SYT9: variants seen among roughly 807,000 people sequenced by gnomAD.
SYT9 encodes synaptotagmin-9.
A neutral mutation model predicts 48.4 loss-of-function variants in SYT9; 22 were observed. The observed-to-expected ratio is 0.45, with a 90% confidence interval of 0.32 to 0.65. The LOEUF (loss-of-function observed/expected upper bound fraction) is 0.65, where lower values mean the gene tolerates loss of function less well. Ranked by LOEUF, SYT9 falls within the 30% of genes least tolerant of loss-of-function variation. The probability of loss-of-function intolerance (pLI) is 0.03; values close to 1 mark genes in which losing one functional copy is unlikely to be tolerated. For synonymous variants in SYT9, 265 were observed against 245.0 expected, an observed-to-expected ratio of 1.08 and a Z score of -0.76; for missense variants, 577 against 622.0, an observed-to-expected ratio of 0.93 and a Z score of 0.77.
At position 7,466,920 on chromosome 11, in the gene SYT9, G is replaced by A; in HGVS notation, c.*120G>A. The A allele has an allele frequency of 1.6e-6, 2 of 1,268,248 alleles. No homozygotes were observed. Among genetic ancestry groups the A allele is most frequent in the Non-Finnish European group, 2.3e-6 (2 of 883,500 alleles). 78.6% of individuals were successfully genotyped at this position (1,268,248 alleles called of 1,614,324 possible). A position where few individuals can be genotyped will look rare whatever the true frequency, so the allele number is the denominator to read the frequency against. On this transcript the variant is annotated 3_prime_UTR_variant, in exon 7 of 7. Coordinates refer to ENST00000318881, the MANE Select transcript of SYT9 (RefSeq NM_175733.4). ...GATTTCAGTGACCAAATGCTCAGCT[G>A]TAACCACAGCACTAACTGGCCTTCT... is the stretch of plus-strand genomic sequence containing the variant.
At chr11:7,374,981 A>G (rs1465575758) in intron 3 of SYT9, among the ~76,000 whole-genome samples, 1 of 152,182 alleles carries the variant, frequency 6.6e-6, no homozygotes, top group Non-Finnish European at 1.5e-5. Flanking sequence ...TGTTTTAGTC[A>G]TGAAGTCTTT....
intron 6 of SYT9, among the ~76,000 whole-genome samples, chr11:7,454,889 C>T (rs894169818): frequency 2.0e-5 from 3 of 152,202 alleles, no homozygotes; most frequent in Non-Finnish European, 4.4e-5. Context: ...GCTTCTGTTT[C>T]TAAGTCACAC....
chr11:7,432,911 A>G (rs12419752), intron 6 of SYT9, among the ~76,000 whole-genome samples: 56,097 of 151,698 alleles, frequency 0.37, 10,548 homozygotes, highest in Middle Eastern at 0.48. Context: ...TGTATTTTGC[A>G]ATATGGGAAG....
At chr11:7,294,105 G>A (rs890255060) in intron 1 of SYT9, among the ~76,000 whole-genome samples, 9 of 152,152 alleles carry the variant, frequency 5.9e-5, no homozygotes, top group Admixed American at 5.9e-4. Context: ...TGGAAGGAGT[G>A]AGGGAACTCT....
In SYT9 at chr11:7,432,582, AATATATATACATATATATATATATATAT is replaced by A. The variant is rs1771271518; in HGVS notation, c.1467+11957_1467+11984del. On this transcript the variant is annotated intron_variant, in intron 6 of 6. Transcript: ENST00000318881. ...AAAAAAAAAAAAAAAAAAAAAAAAA[AATATATATACATATATATATATATATAT>A]ATATATATATATATATATATATATA... Among the ~76,000 whole-genome samples, 4 of 3,508 alleles carry A rather than the reference AATATATATACATATATATATATATATAT, an allele frequency of 1.1e-3. No homozygotes were observed. The Admixed American group carries it at 0.015, about 13-fold the overall frequency. 2.3% of individuals were successfully genotyped at this position (3,508 alleles called of 152,430 possible).
At chr11:7,371,689 G>A (rs1279465021) in intron 3 of SYT9, among the ~76,000 whole-genome samples, 2 of 152,044 alleles carry the variant, frequency 1.3e-5, no homozygotes, top group African/African-American at 2.4e-5. Flanking sequence ...GTTCCAGTCA[G>A]TACCCCCAAA....
At chr11:7,293,366 G>T (rs1032179940) in intron 1 of SYT9, among the ~76,000 whole-genome samples, 3 of 152,126 alleles carry the variant, frequency 2.0e-5, no homozygotes, top group African/African-American at 7.2e-5. Flanking sequence ...GCAGCAGAGT[G>T]CTCTGTTTAC....
At chr11:7,254,332 G>A (rs751941148) in intron 1 of SYT9, among the ~76,000 whole-genome samples, 3 of 152,226 alleles carry the variant, frequency 2.0e-5, no homozygotes, top group African/African-American at 4.8e-5. Context: ...GGGGGTTTTC[G>A]AGTGCAAGGT....
chr11:7,454,099 C>T (rs1848106892), intron 6 of SYT9: 1 of 985,298 alleles, frequency 1.0e-6, no homozygotes, highest in Non-Finnish European at 1.2e-6. Context: ...GACATTGCTG[C>T]TCCCCAGTCA....
chr11:7,355,147 C>T (rs1849993868), intron 3 of SYT9, among the ~76,000 whole-genome samples: 1 of 152,222 alleles, frequency 6.6e-6, no homozygotes, highest in Middle Eastern at 3.2e-3. Flanking sequence ...CTGACTCCAC[C>T]AGAAATCTGA....
At chr11:7,245,369 T>G (rs956375881) in intron 1 of SYT9, among the ~76,000 whole-genome samples, 4 of 152,146 alleles carry the variant, frequency 2.6e-5, no homozygotes, top group Admixed American at 2.6e-4. Context: ...TCAGGGACAT[T>G]GTAGGTGACT....
At chr11:7,317,811 G>A (rs1849268278) in intron 3 of SYT9, among the ~76,000 whole-genome samples, 1 of 152,118 alleles carries the variant, frequency 6.6e-6, no homozygotes, top group South Asian at 2.1e-4. Flanking sequence ...TCTATCCACT[G>A]GGATGTTTAA....
intron 2 of SYT9, among the ~76,000 whole-genome samples, chr11:7,308,885 G>T (rs1396556303): frequency 1.3e-5 from 2 of 152,112 alleles, no homozygotes; most frequent in Non-Finnish European, 2.9e-5. Flanking sequence ...GATAGTTTAG[G>T]GACTAACCTA....
chr11:7,385,943 G>A (rs1233890885), intron 3 of SYT9, among the ~76,000 whole-genome samples: 3 of 152,174 alleles, frequency 2.0e-5, no homozygotes, highest in Non-Finnish European at 4.4e-5. Flanking sequence ...TATTTAGCCT[G>A]TAGATAAGTC....
At chr11:7,463,970 G>T (rs1005255136) in intron 6 of SYT9, among the ~76,000 whole-genome samples, 26 of 152,114 alleles carry the variant, frequency 1.7e-4, no homozygotes, top group African/African-American at 6.3e-4. Context: ...TGGGTATGGG[G>T]ACTGGTAAAA....
chr11:7,333,431 CTA>C (rs1398671050), intron 3 of SYT9, among the ~76,000 whole-genome samples: 2 of 152,156 alleles, frequency 1.3e-5, no homozygotes, highest in Non-Finnish European at 2.9e-5. Context: ...TGGTTTTCTC[CTA>C]TGTTACCTGT....
intron 3 of SYT9, among the ~76,000 whole-genome samples, chr11:7,349,657 G>T (rs1484984647): frequency 6.6e-6 from 1 of 152,156 alleles, no homozygotes; most frequent in African/African-American, 2.4e-5. Context: ...CATGCACATT[G>T]CCTATATGCC....
upstream of SYT9, among the ~76,000 whole-genome samples, chr11:7,248,018 T>C (rs998627963): frequency 2.0e-5 from 3 of 152,220 alleles, no homozygotes; most frequent in African/African-American, 7.2e-5. Context: ...ATTATGGTCA[T>C]TCTTGCAGGA....
chr11:7,421,552 G>A (rs562545830), intron 6 of SYT9, among the ~76,000 whole-genome samples: 1 of 152,268 alleles, frequency 6.6e-6, no homozygotes, highest in Admixed American at 6.5e-5. Flanking sequence ...GTGAAAACCT[G>A]GAGTCAACCG....
Sources: allele counts gnomAD v4.1 joint callset (sites outside exome capture counted in the v4.1 genomes callset), GRCh38; gene constraint gnomAD v4.1.1; transcripts MANE v1.5; gene names NCBI Gene and HGNC (gene_info 2026-07-23, HGNC 2026-07-21).